The following SGCZ variants were observed in gnomAD, a reference collection of about 807,000 sequenced individuals.
SGCZ encodes zeta-sarcoglycan.
In SGCZ, 40 loss-of-function variants were observed where a neutral mutation model predicts 41.3. The ratio of observed to expected loss-of-function variants is 0.97; its 90% CI spans 0.75 to 1.26. SGCZ has a LOEUF of 1.26. Ranked by LOEUF, SGCZ falls within the 50% of genes most tolerant of loss-of-function variation. SGCZ has a pLI of 0.00. For synonymous variants in SGCZ, 206 were observed against 137.5 expected, an observed-to-expected ratio of 1.50 and a Z score of -3.49; for missense variants, 552 against 369.8, an observed-to-expected ratio of 1.49 and a Z score of -4.04.
At chr8:14,531,432 C>T (rs190400839) in intron 2 of SGCZ, among the ~76,000 whole-genome samples, 5 of 152,080 alleles carry the variant, frequency 3.3e-5, no homozygotes, top group African/African-American at 1.2e-4. Context: ...AAACCTGTAA[C>T]ATTCCCTCCC....
chr8:15,169,021 T>C (rs1370207160), intron 1 of SGCZ, among the ~76,000 whole-genome samples: 2 of 152,198 alleles, frequency 1.3e-5, no homozygotes, highest in Non-Finnish European at 2.9e-5. Context: ...TTGTTTTGTT[T>C]TGATACATGT....
chr8:14,528,966 G>A (rs1031225768), intron 2 of SGCZ, among the ~76,000 whole-genome samples: 3 of 151,844 alleles, frequency 2.0e-5, no homozygotes, highest in African/African-American at 4.8e-5. Context: ...TGAATCAGCT[G>A]AGACCTAGAA....
At chr8:14,142,324 T>C (rs56867569) in intron 5 of SGCZ, among the ~76,000 whole-genome samples, 1 of 151,448 alleles carries the variant, frequency 6.6e-6, no homozygotes, top group Non-Finnish European at 1.5e-5. Flanking sequence ...AATAAAAATT[T>C]AAAAAAAAAG....
intron 1 of SGCZ, among the ~76,000 whole-genome samples, chr8:14,875,565 G>A (rs906023043): frequency 1.3e-5 from 2 of 152,252 alleles, no homozygotes; most frequent in African/African-American, 4.8e-5. Flanking sequence ...CGTGTTAAGA[G>A]TAGCTGGCAA....
intron 2 of SGCZ, among the ~76,000 whole-genome samples, chr8:14,407,476 C>T (rs11996180): frequency 0.13 from 20,408 of 151,930 alleles, 2,996 homozygotes; most frequent in African/African-American, 0.36. Context: ...AAAGGTCTCC[C>T]TATAAGTAGT....
chr8:14,180,779 T>C (rs1008669842), intron 4 of SGCZ, among the ~76,000 whole-genome samples: 3 of 151,856 alleles, frequency 2.0e-5, no homozygotes, highest in African/African-American at 4.8e-5. Context: ...CTGAAGCAGG[T>C]GGCCAGACTG....
chr8:14,540,481 T>A (rs533476181), intron 2 of SGCZ, among the ~76,000 whole-genome samples: 2 of 151,930 alleles, frequency 1.3e-5, no homozygotes, highest in South Asian at 4.1e-4. Context: ...TCTCTATATC[T>A]TTCGTCTTTA....
chr8:14,792,576 T>C (rs1800990519), intron 1 of SGCZ, among the ~76,000 whole-genome samples: 1 of 151,982 alleles, frequency 6.6e-6, no homozygotes, highest in African/African-American at 2.4e-5. Flanking sequence ...TATTTTATAT[T>C]ATTATTATAC....
intron 1 of SGCZ, among the ~76,000 whole-genome samples, chr8:14,940,698 GA>G (rs34827262): frequency 0.94 from 143,419 of 152,084 alleles, 67,682 homozygotes; most frequent in East Asian, 1. Flanking sequence ...AAAGGTAAAG[GA>G]AAAAACAACA....
rs118054224 is a variant in SGCZ, at chr8:14,398,810, G to C, written c.235-74606C>G. Reference sequence around the variant, plus strand: ...TGGCTACCTGGTGTTGGTTAGACTAGAGCTCACATAGCAGGTGGCTTTGAG... The same window carrying C: ...TGGCTACCTGGTGTTGGTTAGACTACAGCTCACATAGCAGGTGGCTTTGAG... On this transcript the variant is annotated intron_variant, in intron 2 of 7. Transcript: ENST00000382080. Among the ~76,000 whole-genome samples, 1,350 of 152,192 alleles carry C rather than the reference G, an allele frequency of 8.9e-3. 6 individuals are homozygous for C. The highest frequency in any genetic ancestry group is 0.015 in the Non-Finnish European group (992 of 67,996).
chr8:14,332,367 G>T (rs1478261865), intron 2 of SGCZ, among the ~76,000 whole-genome samples: 1 of 152,112 alleles, frequency 6.6e-6, no homozygotes, highest in African/African-American at 2.4e-5. Context: ...TGTGAACCCG[G>T]GAGGCGGAGC....
intron 1 of SGCZ, among the ~76,000 whole-genome samples, chr8:15,096,234 G>A (rs1250549659): frequency 4.0e-5 from 6 of 151,366 alleles, no homozygotes; most frequent in South Asian, 2.1e-4. Flanking sequence ...GCACAACCAC[G>A]CCCAGCTAAC....
chr8:14,329,054 T>G (rs9650352), intron 2 of SGCZ, among the ~76,000 whole-genome samples: 1 of 152,048 alleles, frequency 6.6e-6, no homozygotes, highest in East Asian at 1.9e-4. Context: ...TAAGAAAATA[T>G]TTTCTGCGTT....
chr8:14,459,630 C>A (rs1173841690), intron 2 of SGCZ, among the ~76,000 whole-genome samples: 1 of 151,912 alleles, frequency 6.6e-6, no homozygotes, highest in African/African-American at 2.4e-5. Flanking sequence ...AGGACAAAAA[C>A]AGTAACTTTA....
chr8:14,295,910 A>G (rs1800995862), intron 3 of SGCZ, among the ~76,000 whole-genome samples: 1 of 152,164 alleles, frequency 6.6e-6, no homozygotes, highest in Non-Finnish European at 1.5e-5. Flanking sequence ...TTAGGTCTGT[A>G]GCCAAACATA....
chr8:14,192,189 C>A (rs190512000), intron 4 of SGCZ, among the ~76,000 whole-genome samples: 1 of 151,928 alleles, frequency 6.6e-6, no homozygotes, highest in Non-Finnish European at 1.5e-5. Flanking sequence ...ACAGTAAAAA[C>A]AGAAAATAGG....
chr8:14,980,312 G>C (rs79926238), intron 1 of SGCZ, among the ~76,000 whole-genome samples: 232 of 152,314 alleles, frequency 1.5e-3, no homozygotes, highest in Non-Finnish European at 2.3e-3. Flanking sequence ...TAACAAGTAA[G>C]AAGGAATCTA....
chr8:14,864,899 G>A (rs114124261), intron 1 of SGCZ, among the ~76,000 whole-genome samples: 1 of 151,886 alleles, frequency 6.6e-6, no homozygotes, highest in Non-Finnish European at 1.5e-5. Context: ...TATTGGTTTT[G>A]ATTTTCATTT....
intron 5 of SGCZ, among the ~76,000 whole-genome samples, chr8:14,144,945 T>C (rs1458795961): frequency 6.6e-6 from 1 of 152,206 alleles, no homozygotes; most frequent in Non-Finnish European, 1.5e-5. Context: ...GTGGTTTGAT[T>C]GCCAGCTCAG....
Sources: allele counts gnomAD v4.1 joint callset (sites outside exome capture counted in the v4.1 genomes callset), GRCh38; gene constraint gnomAD v4.1.1; transcripts MANE v1.5; gene names NCBI Gene and HGNC (gene_info 2026-07-23, HGNC 2026-07-21).